The following ASTN1 variants were observed in gnomAD, a reference collection of about 807,000 sequenced individuals.
The protein encoded by ASTN1 is astrotactin 1.
Under a neutral mutation model 140.7 loss-of-function variants are expected in ASTN1, and 41 were observed. That is an observed-to-expected ratio of 0.29 (90% confidence interval 0.23 to 0.38). The LOEUF is 0.38. Ranked by LOEUF, ASTN1 falls within the 10% of genes least tolerant of loss-of-function variation. ASTN1 has a pLI of 1.00. For missense variants in ASTN1, 1,479 were observed against 1,678.8 expected (o/e 0.88, Z 2.08); for synonymous variants, 640 against 652.2 (o/e 0.98, Z 0.29).
At chr1:176,939,242 G>T (rs1557975075) in intron 14 of ASTN1, among the ~76,000 whole-genome samples, 1 of 152,098 alleles carries the variant, frequency 6.6e-6, no homozygotes. Flanking sequence ...CGTAAACTTG[G>T]CATTTCTTAA....
intron 1 of ASTN1, among the ~76,000 whole-genome samples, chr1:177,078,796 A>G (rs189990782): frequency 6.6e-6 from 1 of 152,306 alleles, no homozygotes; most frequent in Admixed American, 6.5e-5. Context: ...TTTATTATCA[A>G]AGAAAAGATT....
At chr1:177,112,457 G>A (rs531014707) in intron 1 of ASTN1, among the ~76,000 whole-genome samples, 45 of 152,320 alleles carry the variant, frequency 3.0e-4, no homozygotes, top group South Asian at 6.2e-4. Context: ...TATTCCACCC[G>A]TGTTGGGCGG....
At chr1:177,129,770 C>T (rs1412542797) in intron 1 of ASTN1, among the ~76,000 whole-genome samples, 1 of 152,068 alleles carries the variant, frequency 6.6e-6, no homozygotes, top group African/African-American at 2.4e-5. Flanking sequence ...AGATCGAGAC[C>T]ATCCTGGCTA....
At position 176,972,872 on chromosome 1, in the gene ASTN1, T is replaced by C. The variant is rs796208135; in HGVS notation, c.1524-7635A>G. ...TAGGTTTAAAACCTGGCTCTATCAC[T>C]TACTATCTCTGTGACCTTGGATAAG... On this transcript the variant is annotated intron_variant, in intron 8 of 22. Coordinates refer to ENST00000361833, the MANE Select transcript of ASTN1 (RefSeq NM_004319.3). Among the ~76,000 whole-genome samples the C allele has an allele frequency of 7.9e-5, 12 of 152,184 alleles. 1 individual carries two copies. Among genetic ancestry groups the C allele is most frequent in the African/African-American group, 2.9e-4 (12 of 41,554 alleles).
chr1:176,996,100 C>A (rs144175661), intron 8 of ASTN1, among the ~76,000 whole-genome samples: 1 of 151,996 alleles, frequency 6.6e-6, no homozygotes, highest in African/African-American at 2.4e-5. Flanking sequence ...CCTAGGTTCA[C>A]GCAGAAATTT....
chr1:177,063,589 T>C (rs533279590), intron 1 of ASTN1, among the ~76,000 whole-genome samples: 55 of 152,200 alleles, frequency 3.6e-4, no homozygotes, highest in Middle Eastern at 3.4e-3. Flanking sequence ...TGGGGGTGCA[T>C]GGTTGGAGCA....
chr1:177,109,303 A>T (rs1680700918), intron 1 of ASTN1, among the ~76,000 whole-genome samples: 1 of 152,200 alleles, frequency 6.6e-6, no homozygotes, highest in African/African-American at 2.4e-5. Context: ...GACTATAAAT[A>T]CCTACTAAGA....
chr1:177,106,428 C>G (rs193087335), intron 1 of ASTN1, among the ~76,000 whole-genome samples: 2 of 152,116 alleles, frequency 1.3e-5, no homozygotes, highest in Non-Finnish European at 2.9e-5. Flanking sequence ...TTTCCTAAGT[C>G]CTGGCTTTCA....
chr1:176,872,191 A>T (rs1419638194), intron 21 of ASTN1, among the ~76,000 whole-genome samples: 1 of 145,488 alleles, frequency 6.9e-6, no homozygotes, highest in Non-Finnish European at 1.5e-5. Context: ...TTAAATGTCA[A>T]ACCTTTTTTT....
intron 14 of ASTN1, among the ~76,000 whole-genome samples, chr1:176,936,924 G>C (rs1027882026): frequency 6.6e-6 from 1 of 152,142 alleles, no homozygotes; most frequent in African/African-American, 2.4e-5. Context: ...TGGGGATAAT[G>C]GTATTCATCC....
intron 2 of ASTN1, among the ~76,000 whole-genome samples, chr1:177,045,716 T>C (rs1446782287): frequency 6.6e-6 from 1 of 152,216 alleles, no homozygotes; most frequent in Non-Finnish European, 1.5e-5. Context: ...GTGAGACAGC[T>C]GAAGGCTCAC....
chr1:176,913,652 T>C (rs1297611968), intron 16 of ASTN1, among the ~76,000 whole-genome samples: 2 of 152,206 alleles, frequency 1.3e-5, no homozygotes, highest in African/African-American at 4.8e-5. Context: ...AGGGAAGCCA[T>C]TGAATTTGGA....
At chr1:177,094,441 G>A (rs1322819139) in intron 1 of ASTN1, among the ~76,000 whole-genome samples, 4 of 152,140 alleles carry the variant, frequency 2.6e-5, no homozygotes, top group Admixed American at 2.6e-4. Context: ...CCTGCTTTGG[G>A]CTTAGGATTA....
At chr1:177,040,142 TC>T (rs1426001277) in intron 2 of ASTN1, among the ~76,000 whole-genome samples, 1 of 152,216 alleles carries the variant, frequency 6.6e-6, no homozygotes, top group Non-Finnish European at 1.5e-5. Flanking sequence ...CCCCTGCCCA[TC>T]TCCTTCGCAG....
intron 21 of ASTN1, among the ~76,000 whole-genome samples, chr1:176,873,382 A>C (rs968575627): frequency 1.3e-5 from 2 of 152,214 alleles, no homozygotes; most frequent in Non-Finnish European, 2.9e-5. Context: ...ACATCGGTAG[A>C]AACTTATTTC....
chr1:176,988,429 A>T (rs1674010939), intron 8 of ASTN1, among the ~76,000 whole-genome samples: 1 of 152,136 alleles, frequency 6.6e-6, no homozygotes, highest in South Asian at 2.1e-4. Flanking sequence ...GGTTATTTGC[A>T]AATTAATAGA....
At chr1:177,097,178 A>T (rs1320051992) in intron 1 of ASTN1, among the ~76,000 whole-genome samples, 1 of 152,146 alleles carries the variant, frequency 6.6e-6, no homozygotes, top group Non-Finnish European at 1.5e-5. Context: ...GCTCAACAAC[A>T]CTTTCATCAT....
intron 1 of ASTN1, among the ~76,000 whole-genome samples, chr1:177,116,547 C>T (rs1681101395): frequency 6.6e-6 from 1 of 151,678 alleles, no homozygotes; most frequent in Non-Finnish European, 1.5e-5. Context: ...GGTACCTCCT[C>T]CCTCTCTTTT....
intron 8 of ASTN1, 79 bp downstream of exon 8, chr1:177,014,712 C>T: frequency 2.2e-6 from 3 of 1,337,750 alleles, no homozygotes; most frequent in East Asian, 2.3e-5. Flanking sequence ...TATTCCTCTC[C>T]ATGCAGTTGC....
Sources: gnomAD v4.1 joint callset for allele counts (sites outside exome capture counted in the v4.1 genomes callset) on GRCh38, gnomAD v4.1.1 for gene constraint, MANE v1.5 for transcripts, NCBI Gene and HGNC (gene_info 2026-07-23, HGNC 2026-07-21) for gene names.